The following STEAP1B variants were observed in gnomAD, a reference collection of about 807,000 sequenced individuals.
STEAP1B encodes STEAP family protein MGC87042.
STEAP1B carries 13 observed loss-of-function variants against 27.9 expected under a neutral mutation model. The observed-to-expected ratio is 0.47, with a 90% CI of 0.30 to 0.74. STEAP1B has a LOEUF of 0.74. STEAP1B is among the 30% of genes least tolerant of loss of function. STEAP1B has a pLI of 0.06. For missense variants in STEAP1B, 250 were observed against 298.7 expected, an observed-to-expected ratio of 0.84 and a Z score of 1.20; for synonymous variants, 86 against 107.1, an observed-to-expected ratio of 0.80 and a Z score of 1.22.
intron 4 of STEAP1B, among the ~76,000 whole-genome samples, chr7:22,483,034 G>A (rs192216008): frequency 4.1e-4 from 62 of 152,308 alleles, no homozygotes; most frequent in Middle Eastern, 3.4e-3. Flanking sequence ...TTTGCTCTGG[G>A]TATTTCTGAG....
chr7:22,476,837 C>T (rs185859495), intron 4 of STEAP1B, among the ~76,000 whole-genome samples: 39 of 152,314 alleles, frequency 2.6e-4, no homozygotes, highest in African/African-American at 9.4e-4. Context: ...GGGTTCTCAT[C>T]TGAAAACCTG....
chr7:22,426,900 A>T (rs1436078583), intron 4 of STEAP1B, among the ~76,000 whole-genome samples: 2 of 152,242 alleles, frequency 1.3e-5, no homozygotes, highest in African/African-American at 4.8e-5. Context: ...GGGCAGGTGT[A>T]AAATTTTACA....
chr7:22,456,972 A>ATATATATATATATTTTTTT, intron 4 of STEAP1B, among the ~76,000 whole-genome samples: 1 of 57,044 alleles, frequency 1.8e-5, no homozygotes, highest in African/African-American at 7.0e-5. Context: ...ATATATATAT[A>ATATATATATATATTTTTTT]TTTTTTTTTT....
At chr7:22,468,710 T>C (rs1785828723) in intron 4 of STEAP1B, among the ~76,000 whole-genome samples, 2 of 152,222 alleles carry the variant, frequency 1.3e-5, no homozygotes, top group South Asian at 4.1e-4. Flanking sequence ...CAGTCACGCA[T>C]TGCATAATGA....
intron 4 of STEAP1B, among the ~76,000 whole-genome samples, chr7:22,437,856 C>T (rs28515788): frequency 0.24 from 36,904 of 152,056 alleles, 5,291 homozygotes; most frequent in Non-Finnish European, 0.31. Flanking sequence ...TAATTAGTGA[C>T]GTGATTATTG....
intron 4 of STEAP1B, among the ~76,000 whole-genome samples, chr7:22,456,008 C>G (rs3114725): frequency 0.6 from 90,500 of 151,850 alleles, 27,176 homozygotes; most frequent in African/African-American, 0.63. Context: ...TTAGCTGGGC[C>G]TGGTGGTGAG....
chr7:22,478,751 T>C (rs1288542807), intron 4 of STEAP1B, among the ~76,000 whole-genome samples: 10 of 152,230 alleles, frequency 6.6e-5, no homozygotes, highest in Admixed American at 6.5e-4. Context: ...CAGTAGCAGT[T>C]GCCACATATA....
At chr7:22,437,288 C>T (rs1276077990) in intron 4 of STEAP1B, among the ~76,000 whole-genome samples, 1 of 152,182 alleles carries the variant, frequency 6.6e-6, no homozygotes, top group African/African-American at 2.4e-5. Flanking sequence ...TAATAACCAC[C>T]ATTCTATTCT....
intron 4 of STEAP1B, among the ~76,000 whole-genome samples, chr7:22,456,106 C>T (rs1785574878): frequency 6.6e-6 from 1 of 151,742 alleles, no homozygotes; most frequent in East Asian, 1.9e-4. Flanking sequence ...GAGATTGCGC[C>T]ACTGCCCTCC....
intron 4 of STEAP1B, among the ~76,000 whole-genome samples, chr7:22,430,635 G>A (rs1277629651): frequency 6.6e-6 from 1 of 152,320 alleles, no homozygotes; most frequent in South Asian, 2.1e-4. Flanking sequence ...GTTTTCGTTA[G>A]AGTCATGATG....
At chr7:22,459,062 C>T (rs966066490) in intron 4 of STEAP1B, among the ~76,000 whole-genome samples, 16 of 152,182 alleles carry the variant, frequency 1.1e-4, no homozygotes, top group African/African-American at 3.9e-4. Context: ...TTTGGCTCAC[C>T]TTGTCCAACA....
intron 4 of STEAP1B, among the ~76,000 whole-genome samples, chr7:22,471,290 G>C (rs543385778): frequency 6.6e-6 from 1 of 152,304 alleles, no homozygotes; most frequent in South Asian, 2.1e-4. Context: ...GTGACGCAGA[G>C]GAAGCTCACT....
At chr7:22,482,806 C>A (rs1035757776) in intron 4 of STEAP1B, among the ~76,000 whole-genome samples, 3 of 152,160 alleles carry the variant, frequency 2.0e-5, no homozygotes, top group African/African-American at 7.2e-5. Context: ...CATCCACAAC[C>A]TCTCCCCACC....
chr7:22,479,878 A>AT (rs551528284), intron 4 of STEAP1B, among the ~76,000 whole-genome samples: 43 of 151,848 alleles, frequency 2.8e-4, no homozygotes, highest in African/African-American at 1.0e-3. Flanking sequence ...TAGAGATGGG[A>AT]TTTTGTCATG....
At chr7:22,465,882 C>A (rs565306171) in intron 4 of STEAP1B, among the ~76,000 whole-genome samples, 58 of 152,298 alleles carry the variant, frequency 3.8e-4, no homozygotes, top group African/African-American at 1.3e-3. Context: ...ACACTCACCT[C>A]CTAATGGCCT....
chr7:22,486,967 A>G (rs1786220631), intron 4 of STEAP1B, among the ~76,000 whole-genome samples: 1 of 152,204 alleles, frequency 6.6e-6, no homozygotes, highest in Non-Finnish European at 1.5e-5. Context: ...AGGCCAGGGT[A>G]TGATGAAGGC....
chr7:22,499,052 A>T (rs1371894120), intron 1 of STEAP1B, among the ~76,000 whole-genome samples: 1 of 152,238 alleles, frequency 6.6e-6, no homozygotes, highest in African/African-American at 2.4e-5. Context: ...TTCTACAGTA[A>T]AATCTTTTCA....
chr7:22,480,394 G>T (rs1374582262), intron 4 of STEAP1B, among the ~76,000 whole-genome samples: 1 of 152,178 alleles, frequency 6.6e-6, no homozygotes, highest in African/African-American at 2.4e-5. Context: ...GCAGCGCCTT[G>T]TATCAAGATG....
At chr7:22,492,838 G>T in intron 3 of STEAP1B, 109 bp from the exon 4 acceptor site, 1 of 1,416,128 alleles carries the variant, frequency 7.1e-7, no homozygotes. Context: ...CTGATAACAG[G>T]TCTCCACAAA....
Sources: allele counts gnomAD v4.1 joint callset (sites outside exome capture counted in the v4.1 genomes callset), GRCh38; gene constraint gnomAD v4.1.1; transcripts MANE v1.5; gene names NCBI Gene and HGNC (gene_info 2026-07-23, HGNC 2026-07-21).